ADGRA3: variants seen among roughly 807,000 people sequenced by gnomAD.
The protein encoded by ADGRA3 is adhesion G protein-coupled receptor A3, also known as G-protein coupled receptor 125.
A neutral mutation model predicts 119.8 loss-of-function variants in ADGRA3; 56 were observed. That is an observed-to-expected ratio of 0.47 (90% CI 0.38 to 0.58). The LOEUF is 0.58. Among genes scored for constraint, ADGRA3 ranks in the 20% least tolerant of loss-of-function variants. The probability of loss-of-function intolerance (pLI) is 0.00; values close to 1 mark genes in which losing one functional copy is unlikely to be tolerated. For missense variants in ADGRA3, 1,516 were observed against 1,649.0 expected (o/e 0.92, Z 1.40); for synonymous variants, 607 against 623.8 (o/e 0.97, Z 0.40).
At chr4:22,413,073 A>AG in intron 14 of ADGRA3, 109 bp downstream of exon 14, 1 of 814,666 alleles carries the variant, frequency 1.2e-6, no homozygotes. Context: ...TTATGTTAAA[A>AG]GTAAAAAAAA....
intron 14 of ADGRA3, among the ~76,000 whole-genome samples, chr4:22,407,397 TGG>T (rs928878701): frequency 1.3e-5 from 2 of 152,218 alleles, no homozygotes; most frequent in Non-Finnish European, 2.9e-5. Context: ...TTTTCAATTA[TGG>T]TAGTAAATAA....
chr4:22,437,795 G>A (rs1481968906), intron 8 of ADGRA3, among the ~76,000 whole-genome samples: 2 of 152,032 alleles, frequency 1.3e-5, no homozygotes, highest in Non-Finnish European at 2.9e-5. Context: ...TGAACAAGGG[G>A]AGAAAATTAG....
intron 7 of ADGRA3, among the ~76,000 whole-genome samples, chr4:22,441,611 C>A (rs1169505219): frequency 6.6e-6 from 1 of 152,132 alleles, no homozygotes; most frequent in African/African-American, 2.4e-5. Flanking sequence ...TCCTCCACAG[C>A]AAATCATTCA....
chr4:22,500,454 C>T (rs574574180), intron 1 of ADGRA3, among the ~76,000 whole-genome samples: 2 of 116,358 alleles, frequency 1.7e-5, no homozygotes, highest in African/African-American at 5.7e-5. Flanking sequence ...AACATTCCAA[C>T]GTTGGTTGTT....
intron 1 of ADGRA3, chr4:22,478,264 T>C (rs1718123967): frequency 6.6e-6 from 1 of 152,178 alleles, no homozygotes; most frequent in Non-Finnish European, 1.5e-5. Context: ...TGAGACTTAC[T>C]ATACATATTT....
chr4:22,469,799 C>T (rs1168908813), intron 2 of ADGRA3, among the ~76,000 whole-genome samples: 2 of 152,150 alleles, frequency 1.3e-5, no homozygotes, highest in African/African-American at 2.4e-5. Context: ...GCTTCCACCC[C>T]ATCCCAAACC....
At chr4:22,422,375 TTAGTGGTTCCCAA>T (rs1715741026) in intron 11 of ADGRA3, among the ~76,000 whole-genome samples, 1 of 152,196 alleles carries the variant, frequency 6.6e-6, no homozygotes. Flanking sequence ...GAGAAAATAA[TTAGTGGTTCCCAA>T]ACTTTTCAAG....
At chr4:22,417,521 A>G (rs1715477956) in intron 12 of ADGRA3, among the ~76,000 whole-genome samples, 1 of 152,180 alleles carries the variant, frequency 6.6e-6, no homozygotes, top group Non-Finnish European at 1.5e-5. Flanking sequence ...TCTGCATAAC[A>G]GCCGAGAAAC....
At chr4:22,415,418 C>T (rs936141833) in intron 12 of ADGRA3, among the ~76,000 whole-genome samples, 3 of 151,944 alleles carry the variant, frequency 2.0e-5, no homozygotes, top group Admixed American at 6.6e-5. Flanking sequence ...TTTGAGAAGA[C>T]GCATAAAAAG....
chr4:22,449,444 G>A (rs565793757), intron 4 of ADGRA3, among the ~76,000 whole-genome samples: 1 of 152,068 alleles, frequency 6.6e-6, no homozygotes, highest in African/African-American at 2.4e-5. Context: ...ACAGGGTAAT[G>A]GGTACACACA....
At chr4:22,420,722 G>T in intron 12 of ADGRA3, 164 bp downstream of exon 12, 1 of 665,316 alleles carries the variant, frequency 1.5e-6, no homozygotes, top group Non-Finnish European at 2.6e-6. Context: ...AAGTCGTAAT[G>T]CAGTTCTTCC....
intron 14 of ADGRA3, among the ~76,000 whole-genome samples, chr4:22,403,314 A>G (rs1247835930): frequency 1.3e-5 from 2 of 152,124 alleles, no homozygotes; most frequent in Non-Finnish European, 2.9e-5. Flanking sequence ...ACGGTAAGAC[A>G]TGGTTCCTGT....
In ADGRA3 at chr4:22,413,663, G is replaced by A. The variant is rs563105823; in HGVS notation, c.1961C>T (p.Thr654Ile). Residue 654 changes from threonine to isoleucine, a missense_variant, in exon 13 of 19, where the codon ACA (threonine) becomes ATA (isoleucine). By Grantham distance (89) the Thr-to-Ile change is moderately conservative. Transcript: ENST00000334304. ...TCGTTTTCCATCATCAGCCAAATTTGTTGAATTTCCAGTGGCTGGAAAAAG... is the reference window on the plus strand; with the variant it reads ...TCGTTTTCCATCATCAGCCAAATTTATTGAATTTCCAGTGGCTGGAAAAAG... ...GKLFPATGNS[T>I]NLADDGKRRT... The A allele has an allele frequency of 6.2e-7, 1 of 1,613,978 alleles. No individual in the cohort carries two copies. Among genetic ancestry groups the A allele is most frequent in the Admixed American group, 1.7e-5 (1 of 59,994 alleles).
intron 1 of ADGRA3, among the ~76,000 whole-genome samples, chr4:22,488,085 A>T (rs1718497551): frequency 6.6e-6 from 1 of 152,148 alleles, no homozygotes. Flanking sequence ...ATAGACAGGG[A>T]TAATGGTGCT....
At chr4:22,410,214 C>T (rs1294082868) in intron 14 of ADGRA3, among the ~76,000 whole-genome samples, 1 of 152,090 alleles carries the variant, frequency 6.6e-6, no homozygotes, top group African/African-American at 2.4e-5. Flanking sequence ...TATAAATTAG[C>T]TTATCTTCAC....
chr4:22,498,246 C>T lies in ADGRA3; in HGVS notation c.257+17282G>A, dbSNP rs1042995418. 1.4e-4 allele frequency among the ~76,000 whole-genome samples: 4 copies of T among 27,886 alleles called. No homozygotes were observed. The East Asian group carries it at 0.02, about 139-fold the overall frequency. 18.3% of individuals were successfully genotyped at this position (27,886 alleles called of 152,430 possible). On this transcript the variant is annotated intron_variant, in intron 1 of 18. Coordinates refer to ENST00000334304, the MANE Select transcript of ADGRA3 (RefSeq NM_145290.4). ...TGGGCAACAAAAGCGAAACGAGTTTCACAAACAAAAAATAAATAAATAAAT... is the reference window on the plus strand; with the variant it reads ...TGGGCAACAAAAGCGAAACGAGTTTTACAAACAAAAAATAAATAAATAAAT...
At chr4:22,461,609 A>G in intron 3 of ADGRA3, 128 bp downstream of exon 3, 1 of 614,910 alleles carries the variant, frequency 1.6e-6, no homozygotes, top group Non-Finnish European at 2.8e-6. Context: ...CTCTTTCTGT[A>G]TCAGGGACCT....
chr4:22,463,230 G>C (rs988496317), intron 2 of ADGRA3, among the ~76,000 whole-genome samples: 5 of 152,176 alleles, frequency 3.3e-5, no homozygotes, highest in Admixed American at 2.6e-4. Context: ...TTCATTTAAG[G>C]ATGCACATGA....
At chr4:22,508,743 A>G (rs1016464852) in intron 1 of ADGRA3, among the ~76,000 whole-genome samples, 2 of 152,124 alleles carry the variant, frequency 1.3e-5, no homozygotes, top group Non-Finnish European at 2.9e-5. Flanking sequence ...GGTGGAGAAA[A>G]ACAATTGCAC....
Sources: gnomAD v4.1 joint callset for allele counts (sites outside exome capture counted in the v4.1 genomes callset) on GRCh38, gnomAD v4.1.1 for gene constraint, MANE v1.5 for transcripts, NCBI Gene and HGNC (gene_info 2026-07-23, HGNC 2026-07-21) for gene names.